Variants in NBPF20 observed in about 807,000 individuals in gnomAD.
NBPF20 encodes NBPF family member NBPF20.
In NBPF20, 90 loss-of-function variants were observed where a neutral mutation model predicts 68.1. That is an observed-to-expected ratio of 1.32 (90% confidence interval 1.11 to 1.58). The LOEUF is 1.58. Ranked by LOEUF, NBPF20 falls within the 40% of genes most tolerant of loss-of-function variation. The pLI is 0.00. For synonymous variants in NBPF20, 290 were observed against 228.1 expected, an observed-to-expected ratio of 1.27 and a Z score of -2.45; for missense variants, 816 against 601.2, an observed-to-expected ratio of 1.36 and a Z score of -3.74.
At chr1:145,292,265 G>A (rs587730445) in intron 137 of NBPF20, 116 bp downstream of exon 142, 10 of 617,322 alleles carry the variant, frequency 1.6e-5, no homozygotes, top group East Asian at 2.7e-5. Flanking sequence ...AGCAATGACA[G>A]TAGGAGTAAT....
chr1:145,291,441 A>G (rs1260622848), exon 138 of NBPF20: 61 of 1,611,256 alleles, frequency 3.8e-5, no homozygotes, highest in Admixed American at 6.7e-5. Flanking sequence ...TGGGCTTCCA[A>G]ATGGAACTGT....
At chr1:145,425,028 G>A in the NBPF20 span, among the ~76,000 whole-genome samples, 2 of 152,200 alleles carry the variant, frequency 1.3e-5, no homozygotes, top group East Asian at 1.9e-4. Flanking sequence ...GGTGGGGTGC[G>A]GGGTCAGGGT....
In NBPF20 at chr1:145,297,958, T is replaced by A; in HGVS notation, c.15856+4A>T. 1.3e-5 allele frequency: 2 copies of A among 148,752 alleles called. No homozygotes were observed. Among genetic ancestry groups the A allele is most frequent in the South Asian group, 7.1e-5 (2 of 28,096 alleles). The allele number at this position is 148,752 out of a possible 1,614,324, so 9.2% of individuals were successfully genotyped here. A position where few individuals can be genotyped will look rare whatever the true frequency, so the allele number is the denominator to read the frequency against. On this transcript the variant is annotated splice_donor_region_variant and intron_variant, in intron 130 of 137. Transcript: ENST00000369373. Reference sequence around the variant, plus strand: ...CCTTATCACCTTCATAGAAAGGTACTCACCTCCCACGTCGAGAGAAAAGCC... The same window carrying A: ...CCTTATCACCTTCATAGAAAGGTACACACCTCCCACGTCGAGAGAAAAGCC...
chr1:145,419,081 G>A, the NBPF20 span, among the ~76,000 whole-genome samples: 2 of 132,710 alleles, frequency 1.5e-5, no homozygotes, highest in South Asian at 2.5e-4. Context: ...GGAAGGGAGG[G>A]AGGAAGGAAG....
chr1:145,412,025 A>T, the NBPF20 span, among the ~76,000 whole-genome samples: 1 of 122,832 alleles, frequency 8.1e-6, no homozygotes, highest in Non-Finnish European at 1.7e-5. Flanking sequence ...ATGCTTCTTC[A>T]CCTTTTCAAT....
chr1:145,424,458 G>A, the NBPF20 span, among the ~76,000 whole-genome samples: 260 of 152,246 alleles, frequency 1.7e-3, no homozygotes, highest in Middle Eastern at 6.8e-3. Flanking sequence ...ACACATATCA[G>A]CTCAGAACAA....
At chr1:145,307,218 G>C (rs1661423448) in intron 118 of NBPF20, among the ~76,000 whole-genome samples, 1 of 27,524 alleles carries the variant, frequency 3.6e-5, no homozygotes, top group Non-Finnish European at 5.7e-5. Flanking sequence ...TTTTACATCT[G>C]CCTGGGTCCA....
At chr1:145,393,458 A>ACACACACACCC (rs1349838912) in intron 9 of NBPF20, among the ~76,000 whole-genome samples, 1 of 145,160 alleles carries the variant, frequency 6.9e-6, no homozygotes, top group Admixed American at 6.9e-5. Context: ...CACACACACA[A>ACACACACACCC]ACACACACAC....
chr1:145,290,349 A>G (rs1218406882), exon 138 of NBPF20: 1 of 149,630 alleles, frequency 6.7e-6, no homozygotes, highest in Non-Finnish European at 1.5e-5. Context: ...CAGTCCTGAT[A>G]TCATAATGGT....
exon 10 of NBPF20, chr1:145,393,232 A>C (rs1661998920): frequency 1.6e-6 from 1 of 626,520 alleles, no homozygotes; most frequent in African/African-American, 2.2e-5. Context: ...CTCATCCAGC[A>C]GCTCCCTGCT....
intron 137 of NBPF20, among the ~76,000 whole-genome samples, chr1:145,292,085 T>A (rs1263842186): frequency 1.3e-5 from 2 of 149,436 alleles, no homozygotes; most frequent in Non-Finnish European, 2.9e-5. Flanking sequence ...CACAGCAAAC[T>A]GTGATCATGA....
the NBPF20 span, among the ~76,000 whole-genome samples, chr1:145,410,698 A>ATGTGTG: frequency 4.4e-5 from 5 of 113,008 alleles, no homozygotes; most frequent in African/African-American, 9.6e-5. Context: ...CAATATATAT[A>ATGTGTG]TATGTGTGTG....
chr1:145,295,698 C>G, intron 132 of NBPF20, 80 bp from the exon 138 acceptor site: 5 of 104,024 alleles, frequency 4.8e-5, no homozygotes, highest in Non-Finnish European at 7.5e-5. Flanking sequence ...AATCCTCACA[C>G]AGGGACTTCA....
At chr1:145,292,311 C>A (rs1282647172) in intron 137 of NBPF20, 70 bp downstream of exon 142, 1 of 625,914 alleles carries the variant, frequency 1.6e-6, no homozygotes, top group Non-Finnish European at 2.8e-6. Context: ...CAAACACACT[C>A]TGGTTTCCCT....
At chr1:145,394,881 C>A (rs1325194383) in intron 8 of NBPF20, 97 bp downstream of exon 13, 1 of 1,558,504 alleles carries the variant, frequency 6.4e-7, no homozygotes, top group Non-Finnish European at 8.8e-7. Flanking sequence ...ACGGTGATGG[C>A]AAATCTCAGC....
intron 112 of NBPF20, among the ~76,000 whole-genome samples, chr1:145,311,807 C>T (rs1347008620): frequency 3.2e-5 from 3 of 94,358 alleles, no homozygotes; most frequent in African/African-American, 1.8e-4. Flanking sequence ...AGGAGAAAAA[C>T]TGCACTATTC....
intron 136 of NBPF20, among the ~76,000 whole-genome samples, 191 bp from the exon 142 acceptor site, chr1:145,292,680 G>A (rs1553658460): frequency 6.8e-6 from 1 of 146,494 alleles, no homozygotes; most frequent in Non-Finnish European, 1.5e-5. Context: ...CAGAAACTGT[G>A]GGTAAAATGT....
chr1:145,394,395 T>C (rs1163593480), intron 8 of NBPF20, among the ~76,000 whole-genome samples: 4 of 152,062 alleles, frequency 2.6e-5, no homozygotes, highest in Non-Finnish European at 4.4e-5. Flanking sequence ...AAGCATCAGC[T>C]ATTATGGCTT....
At chr1:145,311,990 C>T (rs1390102439) in intron 112 of NBPF20, among the ~76,000 whole-genome samples, 1 of 73,700 alleles carries the variant, frequency 1.4e-5, no homozygotes, top group African/African-American at 8.8e-5. Context: ...TAGGGCGCCA[C>T]AGGCATGGCC....
Sources: allele counts gnomAD v4.1 joint callset (sites outside exome capture counted in the v4.1 genomes callset), GRCh38; gene constraint gnomAD v4.1.1; transcripts MANE v1.5; gene names NCBI Gene and HGNC (gene_info 2026-07-23, HGNC 2026-07-21).